The following MCOLN1 variants were observed in gnomAD, a reference collection of about 807,000 sequenced individuals.
MCOLN1 encodes mucolipin-1.
In MCOLN1, 50 loss-of-function variants were observed where a neutral mutation model predicts 70.3. That is an observed-to-expected ratio of 0.71 (90% CI 0.57 to 0.90). MCOLN1 has a LOEUF of 0.90. Ranked by LOEUF, MCOLN1 falls within the 40% of genes least tolerant of loss-of-function variation. MCOLN1 has a pLI of 0.00. For missense variants in MCOLN1, 598 were observed against 803.5 expected (o/e 0.74, Z 3.09); for synonymous variants, 366 against 341.0 (o/e 1.07, Z -0.81).
In MCOLN1 at chr19:7,522,677, G is replaced by A; in HGVS notation, c.-74G>A. On this transcript the variant is annotated 5_prime_UTR_variant, in exon 1 of 14. Coordinates refer to ENST00000264079, the MANE Select transcript of MCOLN1 (RefSeq NM_020533.3). ...AGCCGCGCCGCGAGGGAGCGAGGTCGCAGTGACAGCGGCGGGCGATCGGAC... is the reference window on the plus strand; with the variant it reads ...AGCCGCGCCGCGAGGGAGCGAGGTCACAGTGACAGCGGCGGGCGATCGGAC... 2.2e-6 allele frequency: 3 copies of A among 1,390,428 alleles called. No individual in the cohort carries two copies. The highest frequency in any genetic ancestry group is 2.8e-6 in the Non-Finnish European group (3 of 1,058,470). 86.1% of individuals were successfully genotyped at this position (1,390,428 alleles called of 1,614,324 possible). A position where few individuals can be genotyped will look rare whatever the true frequency, so the allele number is the denominator to read the frequency against.
At chr19:7,529,457 C>A in intron 10 of MCOLN1, 133 bp from the exon 11 acceptor site, 1 of 1,192,120 alleles carries the variant, frequency 8.4e-7, no homozygotes. Context: ...CCCCTCTAGG[C>A]ACCCACTGGC....
At chr19:7,522,866 CTTT>C in intron 1 of MCOLN1, 85 bp downstream of exon 1, 1 of 1,186,742 alleles carries the variant, frequency 8.4e-7, no homozygotes. Flanking sequence ...CTCCTAGTCT[CTTT>C]TTTTCTAAGC....
intron 4 of MCOLN1, chr19:7,527,140 C>T (rs908862151): frequency 4.6e-5 from 30 of 653,572 alleles, no homozygotes; most frequent in Admixed American, 3.5e-4. Flanking sequence ...GGCGTGGTGG[C>T]GTGCCCCTGT....
At position 7,526,626 on chromosome 19, in the gene MCOLN1, T is replaced by A; in HGVS notation, c.405+20T>A. 1 of 1,603,802 alleles carries A rather than the reference T, an allele frequency of 6.2e-7. No homozygotes were observed. Among genetic ancestry groups the A allele is most frequent in the Non-Finnish European group, 8.5e-7 (1 of 1,177,894 alleles). ...GACCAGGTGCTGGTGGGCGGGCAGG[T>A]GCTGGTGGGCAGGCAGGTGCAGGTG... On this transcript the variant is annotated intron_variant, in intron 3 of 13. Transcript: ENST00000264079. This position sits in a 1 kb window ranked among gnomAD's most constrained non-coding sequence, Gnocchi z 4.6.
At position 7,525,355 on chromosome 19, in the gene MCOLN1, G is replaced by A. The variant is rs372828050; in HGVS notation, c.237+189G>A. The A allele has an allele frequency of 7.7e-5, 45 of 581,674 alleles. No individual in the cohort carries two copies. Among genetic ancestry groups the A allele is most frequent in the South Asian group, 4.5e-4 (25 of 55,920 alleles). 36.0% of individuals were successfully genotyped at this position (581,674 alleles called of 1,614,324 possible). A position where few individuals can be genotyped will look rare whatever the true frequency, so the allele number is the denominator to read the frequency against. On this transcript the variant is annotated intron_variant, in intron 2 of 13. Transcript: ENST00000264079. This position sits in a 1 kb window ranked among gnomAD's most constrained non-coding sequence, Gnocchi z 4.2. ...AAAAATACAAAAAAATTAGCCGTGC[G>A]TGGTGGCGGGTGCCTGTAATCCCAG...
chr19:7,522,670 C>G lies in MCOLN1; in HGVS notation c.-81C>G, dbSNP rs1447754946. On this transcript the variant is annotated 5_prime_UTR_variant, in exon 1 of 14. Transcript: ENST00000264079. Reference sequence around the variant, plus strand: ...GGTTTGAAGCCGCGCCGCGAGGGAGCGAGGTCGCAGTGACAGCGGCGGGCG... The same window carrying G: ...GGTTTGAAGCCGCGCCGCGAGGGAGGGAGGTCGCAGTGACAGCGGCGGGCG... The G allele has an allele frequency of 4.4e-6, 6 of 1,363,702 alleles. No homozygotes were observed. The highest frequency in any genetic ancestry group is 2.8e-5 in the Admixed American group (1 of 36,276). The allele number at this position is 1,363,702 out of a possible 1,614,324, so 84.5% of individuals were successfully genotyped here.
chr19:7,522,930 T>C, intron 1 of MCOLN1, 149 bp downstream of exon 1: 2 of 688,516 alleles, frequency 2.9e-6, no homozygotes, highest in Non-Finnish European at 4.1e-6. Flanking sequence ...CTCCTAGAAC[T>C]TGGGCGGCGG....
chr19:7,528,052 T>C lies in MCOLN1; in HGVS notation c.777+92T>C. On this transcript the variant is annotated intron_variant, in intron 6 of 13. Transcript: ENST00000264079. This position sits in a 1 kb window ranked among gnomAD's most constrained non-coding sequence, Gnocchi z 4.2. ...TGGGAGCACTGGCCAAGGGCAAGCG[T>C]GCGGGTGATGAGGGAGGGAGCCCGG... 6.6e-7 allele frequency: 1 copy of C among 1,521,326 alleles called. No individual in the cohort carries two copies. Among genetic ancestry groups the C allele is most frequent in the African/African-American group, 1.4e-5 (1 of 72,994 alleles). 94.2% of individuals were successfully genotyped at this position (1,521,326 alleles called of 1,614,324 possible). A position where few individuals can be genotyped will look rare whatever the true frequency, so the allele number is the denominator to read the frequency against.
rs759091261 is a variant in MCOLN1 at position 7,533,841 on chromosome 19, C to T, written c.*46C>T. On this transcript the variant is annotated 3_prime_UTR_variant, in exon 14 of 14. Transcript: ENST00000264079. Reference sequence around the variant, plus strand: ...ACCGTAGGCCCTGGACTGCAGAGACCCCCGCCCCCGACCCCGCTTATTTAT... The same window carrying T: ...ACCGTAGGCCCTGGACTGCAGAGACTCCCGCCCCCGACCCCGCTTATTTAT... 1 of 1,597,454 alleles carries T rather than the reference C, an allele frequency of 6.3e-7. No individual in the cohort carries two copies. The highest frequency in any genetic ancestry group is 1.7e-5 in the Admixed American group (1 of 59,954).
At position 7,525,243 on chromosome 19, in the gene MCOLN1, G is replaced by A; in HGVS notation, c.237+77G>A. 1 of 1,421,416 alleles carries A rather than the reference G, an allele frequency of 7.0e-7. No homozygotes were observed. The highest frequency in any genetic ancestry group is 9.9e-7 in the Non-Finnish European group (1 of 1,012,746). 88.1% of individuals were successfully genotyped at this position (1,421,416 alleles called of 1,614,324 possible). On this transcript the variant is annotated intron_variant, in intron 2 of 13. Coordinates refer to ENST00000264079, the MANE Select transcript of MCOLN1 (RefSeq NM_020533.3). The surrounding 1 kb of genome is among the most constrained non-coding windows in gnomAD (Gnocchi z 4.2). ...GCTCCTTGAAGAGAGTCTTAAAGCA[G>A]CACTTTGGAAGGCCGAGGCCGGTGG...
rs2146026029 is a variant in MCOLN1 at position 7,530,348 on chromosome 19, T to C, written c.1422T>C (p.Phe474=). Residue 474 remains phenylalanine, a synonymous_variant, in exon 12 of 14, where the codon TTT becomes TTC. Coordinates refer to ENST00000264079, the MANE Select transcript of MCOLN1 (RefSeq NM_020533.3). ...LFSLINGDDM[F]VTFAAMQAQQ... ...CGCTCATCAATGGGGACGACATGTT[T>C]GTGACGTTCGCCGCCATGCAGGCGC... The C allele has an allele frequency of 6.2e-7, 1 of 1,613,906 alleles. No individual in the cohort carries two copies. Among genetic ancestry groups the C allele is most frequent in the East Asian group, 2.2e-5 (1 of 44,886 alleles).
chr19:7,526,173 T>C lies in MCOLN1; in HGVS notation c.238-266T>C, dbSNP rs561548196. ...ATGAACGTTAGTCCCTGCAGTGAGA[T>C]AGATGAGTCCCCACCCTGTGTTGTA... On this transcript the variant is annotated intron_variant, in intron 2 of 13. Transcript: ENST00000264079. The surrounding 1 kb of genome is among the most constrained non-coding windows in gnomAD (Gnocchi z 4.6). 15 of 558,868 alleles carry C rather than the reference T, an allele frequency of 2.7e-5. No homozygotes were observed. The highest frequency in any genetic ancestry group is 6.0e-5 in the South Asian group (3 of 50,290). 34.6% of individuals were successfully genotyped at this position (558,868 alleles called of 1,614,324 possible).
At chr19:7,527,031 T>C in intron 4 of MCOLN1, 105 bp downstream of exon 4, 1 of 1,448,088 alleles carries the variant, frequency 6.9e-7, no homozygotes, top group African/African-American at 1.4e-5. Flanking sequence ...TACCAGCACT[T>C]TGGGAGGCTG....
Position 7,528,721 on chromosome 19 carries a change from T to C in MCOLN1, c.984+18T>C, listed in dbSNP as rs200843550. On this transcript the variant is annotated intron_variant, in intron 8 of 13. Transcript: ENST00000264079. This position sits in a 1 kb window ranked among gnomAD's most constrained non-coding sequence, Gnocchi z 4.2. ...TGCAGAACGTGAGGCTTCTGCGTCA[T>C]GTGTGCTGGTGTCCTCCCCGCCTGG... The C allele has an allele frequency of 1.3e-5, 21 of 1,614,190 alleles. 1 individual carries two copies. Among genetic ancestry groups the C allele is most frequent in the Admixed American group, 6.7e-5 (4 of 60,032 alleles).
In MCOLN1 at chr19:7,530,371, C is replaced by T. The variant is rs765320127; in HGVS notation, c.1445C>T (p.Ala482Val). ...TTTGTGACGTTCGCCGCCATGCAGG[C>T]GCAGCAGGGCCGCAGCAGCCTGGTG... ...DMFVTFAAMQ[A>V]QQGRSSLVWL... Residue 482 changes from alanine (A) to valine (V), a missense_variant, in exon 12 of 14, where the codon GCG (alanine) becomes GTG (valine). Ala to Val is a moderately conservative substitution (Grantham distance 64, BLOSUM62 0). Transcript: ENST00000264079. 5.6e-6 allele frequency: 9 copies of T among 1,613,916 alleles called. No homozygotes were observed. The highest frequency in any genetic ancestry group is 6.8e-6 in the Non-Finnish European group (8 of 1,180,036).
intron 4 of MCOLN1, 111 bp downstream of exon 4, chr19:7,527,037 G>A (rs2022582045): frequency 2.1e-6 from 3 of 1,403,512 alleles, no homozygotes; most frequent in Non-Finnish European, 2.0e-6. Context: ...CACTTTGGGA[G>A]GCTGAGGAGG....
At chr19:7,523,843 G>C (rs55753041) in intron 1 of MCOLN1, among the ~76,000 whole-genome samples, 10,203 of 152,160 alleles carry the variant, frequency 0.067, 417 homozygotes, top group Non-Finnish European at 0.092. Context: ...AAGGCTCAGG[G>C]AGAGGGTGGA....
Position 7,525,264 on chromosome 19 carries a change from G to A in MCOLN1, c.237+98G>A, listed in dbSNP as rs111280243. 7.0e-5 allele frequency: 78 copies of A among 1,115,868 alleles called. No homozygotes were observed. The highest frequency in any genetic ancestry group is 5.7e-4 in the African/African-American group (37 of 64,926). The allele number at this position is 1,115,868 out of a possible 1,614,324, so 69.1% of individuals were successfully genotyped here. On this transcript the variant is annotated intron_variant, in intron 2 of 13. Coordinates refer to ENST00000264079, the MANE Select transcript of MCOLN1 (RefSeq NM_020533.3). The surrounding 1 kb of genome is among the most constrained non-coding windows in gnomAD (Gnocchi z 4.2). The stretch of plus-strand genomic sequence containing the variant: ...AGCAGCACTTTGGAAGGCCGAGGCC[G>A]GTGGATCGCTTGAGGCTGGGAGTTC...
intron 11 of MCOLN1, among the ~76,000 whole-genome samples, chr19:7,529,960 C>T (rs1234588332): frequency 2.0e-5 from 3 of 152,232 alleles, no homozygotes; most frequent in African/African-American, 7.2e-5. Flanking sequence ...CTGTCATTGA[C>T]CCGTGGTCCC....
Sources: allele counts gnomAD v4.1 joint callset (sites outside exome capture counted in the v4.1 genomes callset), GRCh38; gene constraint gnomAD v4.1.1; non-coding constraint Gnocchi (gnomAD v3.1); transcripts MANE v1.5; gene names NCBI Gene and HGNC (gene_info 2026-07-23, HGNC 2026-07-21).